The following SRP9 variants were observed in gnomAD, a reference collection of about 807,000 sequenced individuals.
The protein encoded by SRP9 is signal recognition particle 9, also known as signal recognition particle 9 kDa protein.
Under a neutral mutation model 11.7 loss-of-function variants are expected in SRP9, and 2 were observed. The observed-to-expected ratio is 0.17, with a 90% confidence interval of 0.07 to 0.54. The LOEUF is 0.54. SRP9 is among the 20% of genes least tolerant of loss of function. SRP9 has a pLI of 0.94. For synonymous variants in SRP9, 27 were observed against 35.6 expected (o/e 0.76, Z 0.86); for missense variants, 54 against 108.1 (o/e 0.50, Z 2.22).
At chr1:225,778,142 T>A (rs1476612978) in intron 1 of SRP9, 130 bp downstream of exon 1, 1 of 1,012,374 alleles carries the variant, frequency 9.9e-7, no homozygotes, top group Non-Finnish European at 1.5e-6. Flanking sequence ...CCCTGCCAAG[T>A]TAATGTTCTG....
Position 225,783,516 on chromosome 1 carries a change from G to A in SRP9, c.141+148G>A, listed in dbSNP as rs117901108. On this transcript the variant is annotated intron_variant, in intron 2 of 2. Coordinates refer to ENST00000304786, the MANE Select transcript of SRP9 (RefSeq NM_003133.6). ...AAAGATGAAGAACCTCATTCTAGCA[G>A]CTACTTTTATAGACCCTCAGGAAAT... The A allele has an allele frequency of 6.3e-6, 4 of 639,844 alleles. No homozygotes were observed. In the Admixed American group the frequency reaches 1.2e-4, roughly 19 times the overall value. 39.6% of individuals were successfully genotyped at this position (639,844 alleles called of 1,614,324 possible). A position where few individuals can be genotyped will look rare whatever the true frequency, so the allele number is the denominator to read the frequency against.
In SRP9 at chr1:225,783,344, T is replaced by C. The variant is rs143580849; in HGVS notation, c.117T>C (p.Cys39=). ...ATAGGCATTCTGATGGGAACTTGTG[T>C]GTTAAAGTAACAGATGATTTAGTTG... ...LKYRHSDGNL[C]VKVTDDLVCL... is the part of the protein sequence containing the mutation. The change falls in exon 2 of 3, where the codon TGT becomes TGC. Residue 39 remains cysteine, a synonymous_variant. Transcript: ENST00000304786. 7.4e-6 allele frequency: 12 copies of C among 1,612,412 alleles called. No homozygotes were observed. The highest frequency in any genetic ancestry group is 1.7e-5 in the Admixed American group (1 of 59,930).
intron 1 of SRP9, among the ~76,000 whole-genome samples, chr1:225,782,756 C>T (rs1203677813): frequency 7.9e-5 from 12 of 152,244 alleles, no homozygotes; most frequent in East Asian, 3.9e-4. Flanking sequence ...TGTAATAATG[C>T]GTTATGTTCT....
intron 2 of SRP9, among the ~76,000 whole-genome samples, chr1:225,785,972 C>T (rs1665902020): frequency 1.3e-5 from 2 of 152,240 alleles, no homozygotes; most frequent in Non-Finnish European, 2.9e-5. Context: ...AGGTGTGATC[C>T]ACCACGCCCA....
intron 2 of SRP9, among the ~76,000 whole-genome samples, chr1:225,785,819 A>T (rs1260374244): frequency 6.6e-6 from 1 of 151,492 alleles, no homozygotes; most frequent in Non-Finnish European, 1.5e-5. Flanking sequence ...AGTAGGTGGG[A>T]TTACAGGTGG....
intron 1 of SRP9, among the ~76,000 whole-genome samples, chr1:225,782,728 G>A (rs1268898861): frequency 1.3e-5 from 2 of 152,208 alleles, no homozygotes; most frequent in Non-Finnish European, 2.9e-5. Context: ...GAGACTTCAA[G>A]GCAGAATTCT....
At chr1:225,784,758 C>T (rs1665869104) in intron 2 of SRP9, among the ~76,000 whole-genome samples, 1 of 151,546 alleles carries the variant, frequency 6.6e-6, no homozygotes, top group African/African-American at 2.4e-5. Flanking sequence ...AGGAGAATGG[C>T]ATAAACCTGG....
chr1:225,783,359 T>A lies in SRP9; in HGVS notation c.132T>A (p.Asp44Glu). ...GGAACTTGTGTGTTAAAGTAACAGA[T>A]GATTTAGTTGTAAGTATACATTTTT... ...SDGNLCVKVT[D>E]DLVCLVYKTD... Residue 44 changes from aspartate (D) to glutamate (E), a missense_variant, in exon 2 of 3, where the codon GAT (aspartate) becomes GAA (glutamate). Coordinates refer to ENST00000304786, the MANE Select transcript of SRP9 (RefSeq NM_003133.6). 6.2e-7 allele frequency: 1 copy of A among 1,609,480 alleles called. No homozygotes were observed. The highest frequency in any genetic ancestry group is 8.5e-7 in the Non-Finnish European group (1 of 1,176,486).
At chr1:225,783,180 C>T in intron 1 of SRP9, 120 bp from the exon 2 acceptor site, 2 of 649,062 alleles carry the variant, frequency 3.1e-6, no homozygotes, top group Non-Finnish European at 5.2e-6. Flanking sequence ...AGTAAAAATG[C>T]CTTTAGATGT....
At position 225,783,719 on chromosome 1, in the gene SRP9, T is replaced by C. The variant is rs572977186; in HGVS notation, c.141+351T>C. ...ATTGTATTTCCTGTCTTTGATATGC[T>C]CATTCTTGTTACTTCCTCATATCCC... On this transcript the variant is annotated intron_variant, in intron 2 of 2. Transcript: ENST00000304786. Among the ~76,000 whole-genome samples the C allele has an allele frequency of 9.2e-5, 14 of 152,362 alleles. No homozygotes were observed. The East Asian group carries it at 2.5e-3, about 27-fold the overall frequency.
chr1:225,783,575 G>A (rs1431246489), intron 2 of SRP9, among the ~76,000 whole-genome samples: 1 of 152,190 alleles, frequency 6.6e-6, no homozygotes, highest in Admixed American at 6.5e-5. Flanking sequence ...ATTATGTCAA[G>A]TGTCTTTAAT....
rs902321679 is a variant in SRP9, at chr1:225,789,077, G to T, written c.142-163G>T. On this transcript the variant is annotated intron_variant, in intron 2 of 2. Transcript: ENST00000304786. ...TGTACTTTAAGACATGGAATTGCTG[G>T]AGGCTTGGAAACTTGAGTGCAATTT... 1.4e-5 allele frequency: 22 copies of T among 1,551,042 alleles called. No individual in the cohort carries two copies. The Admixed American group carries it at 4.1e-4, about 29-fold the overall frequency.
intron 1 of SRP9, among the ~76,000 whole-genome samples, chr1:225,781,935 C>G (rs960115152): frequency 6.6e-6 from 1 of 151,930 alleles, no homozygotes; most frequent in Admixed American, 6.6e-5. Flanking sequence ...TTGATGAGTT[C>G]CCTTTCCTCC....
At chr1:225,784,027 A>G (rs1258068102) in intron 2 of SRP9, among the ~76,000 whole-genome samples, 1 of 150,782 alleles carries the variant, frequency 6.6e-6, no homozygotes, top group Non-Finnish European at 1.5e-5. Context: ...CCCCATATAT[A>G]TGTGCTTCTC....
intron 2 of SRP9, among the ~76,000 whole-genome samples, chr1:225,784,460 A>G (rs1665859811): frequency 6.7e-6 from 1 of 148,996 alleles, no homozygotes; most frequent in South Asian, 2.2e-4. Flanking sequence ...CATGTTGGCC[A>G]GGATGATCTG....
At chr1:225,786,913 G>C in intron 2 of SRP9, 1 of 919,536 alleles carries the variant, frequency 1.1e-6, no homozygotes, top group Non-Finnish European at 1.5e-6. Context: ...CATGATCATA[G>C]CTCACTGCAT....
chr1:225,789,032 A>G lies in SRP9; in HGVS notation c.142-208A>G, dbSNP rs1279531194. 3 of 1,550,696 alleles carry G rather than the reference A, an allele frequency of 1.9e-6. No homozygotes were observed. The Admixed American group carries it at 5.9e-5, about 30-fold the overall frequency. On this transcript the variant is annotated intron_variant, in intron 2 of 2. Coordinates refer to ENST00000304786, the MANE Select transcript of SRP9 (RefSeq NM_003133.6). ...AGACTTCATTCAGTTTTTTGTCCAC[A>G]GCAGTGGCATTTAAATTACTGTACT... is the stretch of plus-strand genomic sequence containing the variant.
At chr1:225,786,865 CAG>C (rs1665927112) in intron 2 of SRP9, 1 of 1,183,806 alleles carries the variant, frequency 8.4e-7, no homozygotes, top group Admixed American at 2.5e-5. Context: ...TTTTTAGAGA[CAG>C]TGTCTTGCTC....
At chr1:225,782,998 A>G (rs1206649479) in intron 1 of SRP9, among the ~76,000 whole-genome samples, 2 of 152,228 alleles carry the variant, frequency 1.3e-5, no homozygotes, top group Non-Finnish European at 2.9e-5. Context: ...ATGCCACCTT[A>G]TAAGTCTCAC....
Sources: allele counts gnomAD v4.1 joint callset (sites outside exome capture counted in the v4.1 genomes callset), GRCh38; gene constraint gnomAD v4.1.1; transcripts MANE v1.5; gene names NCBI Gene and HGNC (gene_info 2026-07-23, HGNC 2026-07-21).